Variants in GABRB1 observed in about 807,000 individuals in gnomAD.
GABRB1 encodes the protein gamma-aminobutyric acid receptor subunit beta-1.
GABRB1 carries 17 observed loss-of-function variants against 51.6 expected under a neutral mutation model. The observed-to-expected ratio is 0.33, with a 90% CI of 0.23 to 0.49. The LOEUF (loss-of-function observed/expected upper bound fraction) is 0.49. GABRB1 is among the 20% of genes least tolerant of loss of function. GABRB1 has a pLI of 0.99. For synonymous variants in GABRB1, 247 were observed against 218.9 expected, an observed-to-expected ratio of 1.13 and a Z score of -1.14; for missense variants, 410 against 600.6, an observed-to-expected ratio of 0.68 and a Z score of 3.32.
intron 4 of GABRB1, among the ~76,000 whole-genome samples, chr4:47,254,921 A>G (rs1215080957): frequency 1.3e-5 from 2 of 152,216 alleles, no homozygotes; most frequent in Non-Finnish European, 2.9e-5. Flanking sequence ...ATGACACTGC[A>G]GGAGAGAACT....
intron 5 of GABRB1, among the ~76,000 whole-genome samples, chr4:47,364,650 T>A (rs1004492794): frequency 4.5e-5 from 6 of 133,492 alleles, no homozygotes; most frequent in East Asian, 2.4e-4. Flanking sequence ...GAAAGAAGGA[T>A]GAAAGATTAA....
At chr4:47,316,844 C>A (rs929916875) in intron 4 of GABRB1, among the ~76,000 whole-genome samples, 1 of 151,814 alleles carries the variant, frequency 6.6e-6, no homozygotes, top group African/African-American at 2.4e-5. Context: ...AGGATTTTCT[C>A]AATGCTGTAT....
chr4:47,223,082 T>C (rs566766454), intron 4 of GABRB1, among the ~76,000 whole-genome samples: 65 of 152,222 alleles, frequency 4.3e-4, no homozygotes, highest in African/African-American at 1.5e-3. Context: ...TAATACCACC[T>C]ACCGGGAACA....
chr4:47,385,136 C>G (rs1160407011), intron 5 of GABRB1, among the ~76,000 whole-genome samples: 1 of 152,172 alleles, frequency 6.6e-6, no homozygotes, highest in Non-Finnish European at 1.5e-5. Flanking sequence ...GCAGAAATTA[C>G]TGGCAGAGGC....
intron 3 of GABRB1, among the ~76,000 whole-genome samples, chr4:47,138,729 C>G (rs1308573871): frequency 6.6e-6 from 1 of 152,064 alleles, no homozygotes; most frequent in Non-Finnish European, 1.5e-5. Context: ...AGAATGAAGA[C>G]AGATGTTCAA....
chr4:47,004,417 C>T (rs1724325410), intron 1 of GABRB1, among the ~76,000 whole-genome samples: 1 of 152,108 alleles, frequency 6.6e-6, no homozygotes, highest in Non-Finnish European at 1.5e-5. Context: ...AATAGAGCAT[C>T]ATTATTAATA....
At chr4:47,055,802 T>C (rs904277364) in intron 3 of GABRB1, among the ~76,000 whole-genome samples, 1 of 152,204 alleles carries the variant, frequency 6.6e-6, no homozygotes, top group Non-Finnish European at 1.5e-5. Context: ...TCTTTATAGC[T>C]ACTTCCTAAT....
intron 3 of GABRB1, among the ~76,000 whole-genome samples, chr4:47,136,128 C>T (rs1406397765): frequency 6.6e-6 from 1 of 152,074 alleles, no homozygotes; most frequent in African/African-American, 2.4e-5. Context: ...GTAGCTGGGA[C>T]CACAGGCATG....
intron 4 of GABRB1, among the ~76,000 whole-genome samples, chr4:47,281,341 T>C (rs1214916939): frequency 1.3e-5 from 2 of 152,182 alleles, no homozygotes; most frequent in Non-Finnish European, 2.9e-5. Flanking sequence ...AAAACTTCGA[T>C]GAGATATGAC....
At chr4:47,217,255 A>G (rs1720590642) in intron 4 of GABRB1, among the ~76,000 whole-genome samples, 1 of 151,850 alleles carries the variant, frequency 6.6e-6, no homozygotes, top group Non-Finnish European at 1.5e-5. Context: ...TATCTATAGT[A>G]TTAAATACCT....
chr4:47,367,988 G>A lies in GABRB1; in HGVS notation c.545-35330G>A, dbSNP rs59707276. 1.7e-3 allele frequency among the ~76,000 whole-genome samples: 255 copies of A among 152,254 alleles called. 5 individuals are homozygous for A. The East Asian group carries it at 0.043, about 26-fold the overall frequency. On this transcript the variant is annotated intron_variant, in intron 5 of 8. Coordinates refer to ENST00000295454, the MANE Select transcript of GABRB1 (RefSeq NM_000812.4). ...GCCAATATCTGCCTAAGTATCTATC[G>A]CAACAGTAACGGACTTTCCATAACT...
At chr4:47,412,619 G>T (rs1728796030) in intron 8 of GABRB1, among the ~76,000 whole-genome samples, 1 of 152,132 alleles carries the variant, frequency 6.6e-6, no homozygotes, top group South Asian at 2.1e-4. Context: ...TAACGCCCAA[G>T]GTTCATTGTC....
chr4:47,013,289 T>C (rs1392599975), intron 1 of GABRB1, among the ~76,000 whole-genome samples: 1 of 152,162 alleles, frequency 6.6e-6, no homozygotes, highest in Non-Finnish European at 1.5e-5. Flanking sequence ...AAATTACTTT[T>C]AGAAATAAGC....
intron 5 of GABRB1, among the ~76,000 whole-genome samples, chr4:47,370,473 C>A (rs1289421455): frequency 7.4e-6 from 1 of 135,206 alleles, no homozygotes; most frequent in African/African-American, 2.9e-5. Flanking sequence ...GGCGACAGGA[C>A]GAGACTCCAT....
At chr4:47,325,860 T>C (rs1485957978) in intron 5 of GABRB1, among the ~76,000 whole-genome samples, 1 of 152,174 alleles carries the variant, frequency 6.6e-6, no homozygotes, top group Non-Finnish European at 1.5e-5. Flanking sequence ...TTTGTATCCC[T>C]CAAAAATTCA....
intron 4 of GABRB1, among the ~76,000 whole-genome samples, chr4:47,236,096 G>T (rs1721324803): frequency 6.6e-6 from 1 of 152,026 alleles, no homozygotes; most frequent in African/African-American, 2.4e-5. Flanking sequence ...GACAAGCACA[G>T]ATGACAGTAT....
At chr4:47,140,608 G>A (rs901862479) in intron 3 of GABRB1, among the ~76,000 whole-genome samples, 8 of 151,852 alleles carry the variant, frequency 5.3e-5, no homozygotes, top group Admixed American at 3.9e-4. Context: ...CACACAAACC[G>A]TGAGCTACTT....
upstream of GABRB1, among the ~76,000 whole-genome samples, chr4:47,030,524 A>G (rs945792142): frequency 6.6e-6 from 1 of 152,198 alleles, no homozygotes; most frequent in Non-Finnish European, 1.5e-5. Context: ...GAATTTCTCT[A>G]GGACAAGAAC....
intron 3 of GABRB1, among the ~76,000 whole-genome samples, chr4:47,077,812 T>C (rs1727620762): frequency 2.2e-5 from 1 of 44,972 alleles, no homozygotes; most frequent in Admixed American, 1.8e-4. Flanking sequence ...ATTAGAAACA[T>C]ATAAAAAAAT....
Sources: gnomAD v4.1 joint callset for allele counts (sites outside exome capture counted in the v4.1 genomes callset) on GRCh38, gnomAD v4.1.1 for gene constraint, MANE v1.5 for transcripts, NCBI Gene and HGNC (gene_info 2026-07-23, HGNC 2026-07-21) for gene names.